Variants in STRA8 observed in about 807,000 individuals in gnomAD.
STRA8 encodes stimulated by retinoic acid gene 8 protein homolog.
STRA8 carries 18 observed loss-of-function variants against 37.1 expected under a neutral mutation model. The ratio of observed to expected loss-of-function variants is 0.48; its 90% CI spans 0.34 to 0.72. STRA8 has a LOEUF of 0.72. STRA8 is among the 30% of genes least tolerant of loss of function. The pLI is 0.01. For synonymous variants in STRA8, 168 were observed against 162.9 expected, an observed-to-expected ratio of 1.03 and a Z score of -0.24; for missense variants, 357 against 410.4, an observed-to-expected ratio of 0.87 and a Z score of 1.13.
chr7:135,249,126 A>G (rs1832604695), intron 6 of STRA8, among the ~76,000 whole-genome samples: 1 of 152,232 alleles, frequency 6.6e-6, no homozygotes, highest in African/African-American at 2.4e-5. Context: ...TTGGGCAACA[A>G]CAGACCACCT....
intron 8 of STRA8, among the ~76,000 whole-genome samples, chr7:135,257,367 G>A (rs1232100842): frequency 1.3e-5 from 2 of 152,226 alleles, no homozygotes; most frequent in African/African-American, 4.8e-5. Context: ...GTCATGGAGA[G>A]TCCTGAGGTG....
intron 1 of STRA8, among the ~76,000 whole-genome samples, chr7:135,239,909 T>C (rs1026481245): frequency 6.6e-6 from 1 of 152,186 alleles, no homozygotes; most frequent in African/African-American, 2.4e-5. Flanking sequence ...TTGAGGTATA[T>C]CACAGAAAAA....
chr7:135,251,570 C>T (rs143344830), intron 6 of STRA8, among the ~76,000 whole-genome samples: 1 of 152,300 alleles, frequency 6.6e-6, no homozygotes, highest in East Asian at 1.9e-4. Flanking sequence ...CCCTCACAGC[C>T]ACCTCCAGGG....
chr7:135,242,223 G>T (rs1200517208), intron 2 of STRA8, among the ~76,000 whole-genome samples: 15 of 120,084 alleles, frequency 1.2e-4, no homozygotes, highest in African/African-American at 4.4e-4. Flanking sequence ...GAGCAGAAGG[G>T]AGGGGAGGGA....
At chr7:135,257,495 G>C (rs1485375568) in intron 8 of STRA8, among the ~76,000 whole-genome samples, 1 of 151,686 alleles carries the variant, frequency 6.6e-6, no homozygotes, top group African/African-American at 2.4e-5. Flanking sequence ...TGTGATCTTG[G>C]ATCACTGCAA....
chr7:135,250,746 A>G (rs1003691893), intron 6 of STRA8, among the ~76,000 whole-genome samples: 2 of 152,238 alleles, frequency 1.3e-5, no homozygotes, highest in South Asian at 2.1e-4. Context: ...TTCAATTTTT[A>G]ATACAAAAAC....
At chr7:135,234,030 C>G (rs1406365636) in intron 1 of STRA8, among the ~76,000 whole-genome samples, 127 bp downstream of exon 1, 2 of 151,952 alleles carry the variant, frequency 1.3e-5, no homozygotes, top group African/African-American at 4.8e-5. Context: ...TTCACAGGAG[C>G]CTTTTGTATC....
chr7:135,253,916 G>A (rs992859930), intron 7 of STRA8, among the ~76,000 whole-genome samples: 11 of 152,214 alleles, frequency 7.2e-5, no homozygotes, highest in Admixed American at 2.6e-4. Flanking sequence ...ATGGGTGCCT[G>A]TGAGGCCTTG....
intron 1 of STRA8, among the ~76,000 whole-genome samples, chr7:135,240,112 C>T (rs1377002231): frequency 5.9e-5 from 9 of 152,058 alleles, no homozygotes; most frequent in Admixed American, 3.3e-4. Flanking sequence ...TCCTTGGCCA[C>T]GCGTAAAATT....
intron 7 of STRA8, among the ~76,000 whole-genome samples, chr7:135,253,946 T>C (rs1438947290): frequency 1.3e-5 from 2 of 152,230 alleles, no homozygotes; most frequent in Admixed American, 1.3e-4. Context: ...CTGTCCCTAG[T>C]AACCCAGCTG....
chr7:135,240,399 T>G, intron 1 of STRA8, 120 bp from the exon 2 acceptor site: 1 of 895,338 alleles, frequency 1.1e-6, no homozygotes, highest in Non-Finnish European at 1.7e-6. Context: ...GGGAGTGAAT[T>G]TGGGGCCTTT....
chr7:135,245,414 A>AGAAGAGGAGGAGGAGGAAGAGGAG lies in STRA8; in HGVS notation c.489_512dup (p.Glu171_Glu178dup). On this transcript the variant is annotated inframe_insertion, in exon 5 of 9. Transcript: ENST00000662584. ...ATCAAGAAGAAGAGGAGGAGGAAGA[A>AGAAGAGGAGGAGGAGGAAGAGGAG]GAAGAGGAGGAGGAGGAAGAGGAGG... 1.4e-6 allele frequency: 1 copy of AGAAGAGGAGGAGGAGGAAGAGGAG among 690,170 alleles called. No homozygotes were observed. The highest frequency in any genetic ancestry group is 2.5e-5 in the East Asian group (1 of 39,428). The allele number at this position is 690,170 out of a possible 1,614,324, so 42.8% of individuals were successfully genotyped here.
intron 8 of STRA8, among the ~76,000 whole-genome samples, chr7:135,258,185 C>T (rs17808352): frequency 0.27 from 41,589 of 152,122 alleles, 5,937 homozygotes; most frequent in Middle Eastern, 0.4. Context: ...GAAGCCAGTT[C>T]TGCTGTGTCC....
chr7:135,236,433 A>G (rs544380059), intron 1 of STRA8, among the ~76,000 whole-genome samples: 64 of 152,172 alleles, frequency 4.2e-4, no homozygotes, highest in Non-Finnish European at 1.3e-4. Flanking sequence ...AGCTCATCCC[A>G]TCTTTGACTG....
chr7:135,247,344 A>T (rs1330352042), intron 6 of STRA8: 2 of 152,250 alleles, frequency 1.3e-5, no homozygotes, highest in African/African-American at 4.8e-5. Flanking sequence ...AGGCAGGCAG[A>T]GGAGCTCACC....
chr7:135,246,072 G>A lies in STRA8; in HGVS notation c.594-345G>A. ...CAGGTTAAAGTTGGAGTCCTATCATGCCAGCACATTCATGGGCTCAGAATT... is the reference window on the plus strand; with the variant it reads ...CAGGTTAAAGTTGGAGTCCTATCATACCAGCACATTCATGGGCTCAGAATT... On this transcript the variant is annotated intron_variant, in intron 5 of 8. Coordinates refer to ENST00000662584, the MANE Select transcript of STRA8 (RefSeq NM_001394401.1). The surrounding 1 kb of genome is among the most constrained non-coding windows in gnomAD (Gnocchi z 5.4). 1 of 331,498 alleles carries A rather than the reference G, an allele frequency of 3.0e-6. No individual in the cohort carries two copies. Among genetic ancestry groups the A allele is most frequent in the Non-Finnish European group, 5.6e-6 (1 of 177,404 alleles). The allele number at this position is 331,498 out of a possible 1,614,324, so 20.5% of individuals were successfully genotyped here.
intron 7 of STRA8, 144 bp downstream of exon 7, chr7:135,252,013 A>AGAGAGTGTGT (rs142941773): frequency 1.6e-5 from 8 of 505,292 alleles, no homozygotes; most frequent in African/African-American, 1.3e-4. Flanking sequence ...AGAGAGAGAG[A>AGAGAGTGTGT]GTGTGTGTGT....
At chr7:135,243,281 G>T (rs62481958) in intron 3 of STRA8, 45 bp from the exon 4 acceptor site, 693,600 of 1,602,754 alleles carry the variant, frequency 0.43, 154,143 homozygotes, top group South Asian at 0.54. Flanking sequence ...CTCAACAGAG[G>T]CCTGACTTTT....
chr7:135,251,207 A>G (rs1832629546), intron 6 of STRA8, among the ~76,000 whole-genome samples: 1 of 152,246 alleles, frequency 6.6e-6, no homozygotes, highest in Non-Finnish European at 1.5e-5. Flanking sequence ...CACATACATT[A>G]TCTTACTTAA....
Sources: allele counts gnomAD v4.1 joint callset (sites outside exome capture counted in the v4.1 genomes callset), GRCh38; gene constraint gnomAD v4.1.1; non-coding constraint Gnocchi (gnomAD v3.1); transcripts MANE v1.5; gene names NCBI Gene and HGNC (gene_info 2026-07-23, HGNC 2026-07-21).